The following CBY2 variants were observed in gnomAD, a reference collection of about 807,000 sequenced individuals.
CBY2 encodes protein chibby homolog 2.
Under a neutral mutation model 25.3 loss-of-function variants are expected in CBY2, and 23 were observed. The ratio of observed to expected loss-of-function variants is 0.91; its 90% CI spans 0.65 to 1.29. The LOEUF is 1.29. Among genes scored for constraint, CBY2 ranks in the 50% most tolerant of loss-of-function variants. The pLI is 0.00. For synonymous variants in CBY2, 279 were observed against 260.2 expected (o/e 1.07, Z -0.70); for missense variants, 642 against 590.7 (o/e 1.09, Z -0.90).
rs1266310574 is a variant in CBY2 at position 45,713,944 on chromosome 13, C to G, written c.919C>G (p.Arg307Gly). 2 of 1,533,004 alleles carry G rather than the reference C, an allele frequency of 1.3e-6. No homozygotes were observed. Among genetic ancestry groups the G allele is most frequent in the South Asian group, 1.2e-5 (1 of 83,666 alleles). 95.0% of individuals were successfully genotyped at this position (1,533,004 alleles called of 1,614,324 possible). ...LQDQGSGLSS[R>G]FEEPKGPPAR... Reference sequence around the variant, plus strand: ...GGACCAGGGCTCCGGCCTCTCCTCCCGCTTCGAGGAGCCCAAAGGGCCTCC... The same window carrying G: ...GGACCAGGGCTCCGGCCTCTCCTCCGGCTTCGAGGAGCCCAAAGGGCCTCC... The change falls in exon 3 of 3, where the codon CGC becomes GGC. Residue 307 changes from arginine (R) to glycine (G), a missense_variant. Physicochemically the swap from Arg to Gly is moderately radical, Grantham distance 125. Coordinates refer to ENST00000310521, the MANE Select transcript of CBY2 (RefSeq NM_152719.3). This position sits in a 1 kb window ranked among gnomAD's most constrained non-coding sequence, Gnocchi z 5.0.
rs778108248 is a variant in CBY2 at position 45,714,079 on chromosome 13, G to A, written c.1054G>A (p.Gly352Ser). The change falls in exon 3 of 3, where the codon GGC becomes AGC. Residue 352 changes from glycine to serine, a missense_variant. By Grantham distance (56) the Gly-to-Ser change is moderately conservative. Coordinates refer to ENST00000310521, the MANE Select transcript of CBY2 (RefSeq NM_152719.3). ...EAKVGPGLPD[G>S]CQPLQLLREM... The stretch of plus-strand genomic sequence containing the variant: ...CAAGGTGGGCCCGGGCCTGCCCGAC[G>A]GCTGCCAGCCCCTGCAGCTGCTGAG... The A allele has an allele frequency of 2.6e-6, 4 of 1,529,964 alleles. No individual in the cohort carries two copies. The highest frequency in any genetic ancestry group is 1.2e-5 in the South Asian group (1 of 80,516). The allele number at this position is 1,529,964 out of a possible 1,614,324, so 94.8% of individuals were successfully genotyped here.
rs1294078471 is a variant in CBY2 at position 45,702,860 on chromosome 13, G to A, written c.156+5G>A. 2 of 1,604,298 alleles carry A rather than the reference G, an allele frequency of 1.2e-6. No individual in the cohort carries two copies. Among genetic ancestry groups the A allele is most frequent in the South Asian group, 1.1e-5 (1 of 90,822 alleles). On this transcript the variant is annotated splice_donor_5th_base_variant and intron_variant, in intron 2 of 2. Transcript: ENST00000310521. ...ATCAGTGTGGTTCTACCTCAGGTAGGGATAATCACAGAAGGATGTAACCTA... is the reference window on the plus strand; with the variant it reads ...ATCAGTGTGGTTCTACCTCAGGTAGAGATAATCACAGAAGGATGTAACCTA...
Position 45,713,967 on chromosome 13 carries a change from T to C in CBY2, c.942T>C (p.Pro314=), listed in dbSNP as rs1190358229. Residue 314 remains proline (P), a synonymous_variant, in exon 3 of 3, where the codon CCT becomes CCC. Coordinates refer to ENST00000310521, the MANE Select transcript of CBY2 (RefSeq NM_152719.3). This position sits in a 1 kb window ranked among gnomAD's most constrained non-coding sequence, Gnocchi z 5.0. The part of the protein sequence containing the change: ...LSSRFEEPKG[P]PARQEDSKEL... ...CCCGCTTCGAGGAGCCCAAAGGGCC[T>C]CCGGCCCGGCAGGAGGACTCCAAGG... is the stretch of plus-strand genomic sequence containing the variant. 1.3e-6 allele frequency: 2 copies of C among 1,519,296 alleles called. No homozygotes were observed. Among genetic ancestry groups the C allele is most frequent in the Non-Finnish European group, 1.8e-6 (2 of 1,138,720 alleles). 94.1% of individuals were successfully genotyped at this position (1,519,296 alleles called of 1,614,324 possible). A position where few individuals can be genotyped will look rare whatever the true frequency, so the allele number is the denominator to read the frequency against.
At position 45,713,401 on chromosome 13, in the gene CBY2, G is replaced by T; in HGVS notation, c.376G>T (p.Glu126Ter). 6.2e-7 allele frequency: 1 copy of T among 1,614,190 alleles called. No homozygotes were observed. Among genetic ancestry groups the T allele is most frequent in the Non-Finnish European group, 8.5e-7 (1 of 1,180,036 alleles). ...YNPPRVQLSDEMFVFQDGRWV... is the reference protein window; with the variant it reads ...YNPPRVQLSD ...CCCGCCGCGGGTGCAGCTCAGCGAC[G>T]AGATGTTCGTGTTCCAGGACGGGCG... Residue 126 changes from glutamate to a stop codon, truncating the protein, a stop_gained, in exon 3 of 3, where the codon GAG becomes TAG. Coordinates refer to ENST00000310521, the MANE Select transcript of CBY2 (RefSeq NM_152719.3). LOFTEE classifies it high-confidence loss of function. This position sits in a 1 kb window ranked among gnomAD's most constrained non-coding sequence, Gnocchi z 5.0.
intron 2 of CBY2, chr13:45,703,163 GT>G: frequency 1.6e-6 from 2 of 1,248,956 alleles, no homozygotes; most frequent in South Asian, 4.9e-5. Context: ...AGATCTTTTG[GT>G]GCTTAGTGTT....
At chr13:45,710,655 C>G (rs577282341) in intron 2 of CBY2, among the ~76,000 whole-genome samples, 56 of 152,326 alleles carry the variant, frequency 3.7e-4, no homozygotes, top group African/African-American at 1.3e-3. Flanking sequence ...AGGTTATCCA[C>G]AGTGAGGTTC....
intron 2 of CBY2, among the ~76,000 whole-genome samples, chr13:45,712,284 T>C (rs958929415): frequency 6.6e-6 from 1 of 152,234 alleles, no homozygotes; most frequent in Non-Finnish European, 1.5e-5. Context: ...AAGGAGTAAA[T>C]GCAATTATCC....
At chr13:45,707,049 G>T (rs949262533) in intron 2 of CBY2, among the ~76,000 whole-genome samples, 2 of 152,154 alleles carry the variant, frequency 1.3e-5, no homozygotes, top group South Asian at 4.2e-4. Flanking sequence ...GCAACCCCAG[G>T]AAGTAGGCAG....
At chr13:45,708,038 C>T (rs1214385496) in intron 2 of CBY2, among the ~76,000 whole-genome samples, 3 of 152,264 alleles carry the variant, frequency 2.0e-5, no homozygotes, top group Middle Eastern at 3.4e-3. Context: ...TTCCGAGTCT[C>T]CTTTTATTTC....
chr13:45,714,136 A>G lies in CBY2; in HGVS notation c.1111A>G (p.Lys371Glu). 6.3e-7 allele frequency: 1 copy of G among 1,588,380 alleles called. No individual in the cohort carries two copies. The highest frequency in any genetic ancestry group is 8.6e-7 in the Non-Finnish European group (1 of 1,166,508). ...EMRQALQALL[K>E]ENRLLQEENR... ...GAGGCAGGCGCTGCAGGCCCTGCTC[A>G]AGGAGAACCGGCTCCTGCAGGAGGA... Residue 371 changes from lysine to glutamate, a missense_variant, in exon 3 of 3, where the codon AAG becomes GAG. Physicochemically the swap from Lys to Glu is moderately conservative, Grantham distance 56. Transcript: ENST00000310521.
chr13:45,711,207 A>G lies in CBY2; in HGVS notation c.157-1975A>G, dbSNP rs536849777. On this transcript the variant is annotated intron_variant, in intron 2 of 2. Transcript: ENST00000310521. ...TTTGAATACATCTTATAATTCTTGC[A>G]TTAGTGAAATCTACTCTTCTTGATA... 2.6e-5 allele frequency among the ~76,000 whole-genome samples: 4 copies of G among 152,302 alleles called. No individual in the cohort carries two copies. In the South Asian group the frequency reaches 6.2e-4, roughly 24 times the overall value.
In CBY2 at chr13:45,703,450, C is replaced by T. The variant is rs1455365238; in HGVS notation, c.156+595C>T. The T allele has an allele frequency of 6.5e-6, 10 of 1,541,572 alleles. No individual in the cohort carries two copies. In the Admixed American group the frequency reaches 9.9e-5, roughly 15 times the overall value. On this transcript the variant is annotated intron_variant, in intron 2 of 2. Coordinates refer to ENST00000310521, the MANE Select transcript of CBY2 (RefSeq NM_152719.3). Reference sequence around the variant, plus strand: ...AATCAGCTGTTTCCTTAGTGGAGTCCTCTTGATTGAATTGTTTCTACTGCT... The same window carrying T: ...AATCAGCTGTTTCCTTAGTGGAGTCTTCTTGATTGAATTGTTTCTACTGCT...
chr13:45,711,902 TTTC>T (rs1950272532), intron 2 of CBY2, among the ~76,000 whole-genome samples: 2 of 152,170 alleles, frequency 1.3e-5, no homozygotes, highest in African/African-American at 4.8e-5. Context: ...TGGGATGGGT[TTTC>T]TTTCTTTCCA....
At position 45,713,772 on chromosome 13, in the gene CBY2, C is replaced by T. The variant is rs1374915652; in HGVS notation, c.747C>T (p.Leu249=). 2 of 1,602,116 alleles carry T rather than the reference C, an allele frequency of 1.2e-6. No homozygotes were observed. Among genetic ancestry groups the T allele is most frequent in the South Asian group, 1.1e-5 (1 of 90,308 alleles). ...PRGKEDSTLQ[L]LREENRALQQ... ...GCAAGGAGGACAGCACCCTGCAGCT[C>T]CTCCGGGAGGAGAATCGCGCGCTGC... is the stretch of plus-strand genomic sequence containing the variant. The change falls in exon 3 of 3, where the codon CTC becomes CTT. Residue 249 remains leucine, a synonymous_variant. Transcript: ENST00000310521. The surrounding 1 kb of genome is among the most constrained non-coding windows in gnomAD (Gnocchi z 5.0).
rs1490624198 is a variant in CBY2, at chr13:45,713,272, A to C, written c.247A>C (p.Arg83=). 13 of 1,613,726 alleles carry C rather than the reference A, an allele frequency of 8.1e-6. No individual in the cohort carries two copies. The highest frequency in any genetic ancestry group is 1.7e-5 in the Admixed American group (1 of 60,010). The change falls in exon 3 of 3, where the codon AGG becomes CGG. Residue 83 remains arginine (R), a synonymous_variant. Coordinates refer to ENST00000310521, the MANE Select transcript of CBY2 (RefSeq NM_152719.3). The surrounding 1 kb of genome is among the most constrained non-coding windows in gnomAD (Gnocchi z 5.0). ...GGCCGCCCTGCCCCGGCTGAGCCGCAGGATGGCGAGCCAGCACTCCTATCC... is the reference window on the plus strand; with the variant it reads ...GGCCGCCCTGCCCCGGCTGAGCCGCCGGATGGCGAGCCAGCACTCCTATCC... ...QQAALPRLSR[R]MASQHSYPLN...
chr13:45,711,980 G>A (rs1232131570), intron 2 of CBY2, among the ~76,000 whole-genome samples: 1 of 152,188 alleles, frequency 6.6e-6, no homozygotes, highest in African/African-American at 2.4e-5. Context: ...AATGTTTAAG[G>A]GGCTGCTAGC....
At position 45,710,782 on chromosome 13, in the gene CBY2, A is replaced by ACC. The variant is rs200876384; in HGVS notation, c.157-2398_157-2397dup. 2.9e-3 allele frequency among the ~76,000 whole-genome samples: 446 copies of ACC among 152,304 alleles called. 5 individuals are homozygous for ACC. Among genetic ancestry groups the ACC allele is most frequent in the African/African-American group, 9.7e-3 (403 of 41,562 alleles). The stretch of plus-strand genomic sequence containing the variant: ...AATTCCGCTTGCAGAATGCCCTCAT[A>ACC]CCCTTGCTATCTGGAAGATTGAGCG... On this transcript the variant is annotated intron_variant, in intron 2 of 2. Coordinates refer to ENST00000310521, the MANE Select transcript of CBY2 (RefSeq NM_152719.3).
intron 2 of CBY2, among the ~76,000 whole-genome samples, chr13:45,711,477 T>G (rs1435677743): frequency 6.6e-6 from 1 of 152,156 alleles, no homozygotes; most frequent in Non-Finnish European, 1.5e-5. Context: ...GGTTTCAAAG[T>G]GCCCATCAGT....
chr13:45,707,979 CT>C (rs1950249105), intron 2 of CBY2, among the ~76,000 whole-genome samples: 1 of 152,186 alleles, frequency 6.6e-6, no homozygotes, highest in African/African-American at 2.4e-5. Context: ...AATGTCTCTT[CT>C]AAAAGCCCTT....
Sources: gnomAD v4.1 joint callset for allele counts (sites outside exome capture counted in the v4.1 genomes callset) on GRCh38, gnomAD v4.1.1 for gene constraint, Gnocchi (gnomAD v3.1) non-coding constraint, MANE v1.5 for transcripts, NCBI Gene and HGNC (gene_info 2026-07-23, HGNC 2026-07-21) for gene names.